The following CECR2 variants were observed in gnomAD, a reference collection of about 807,000 sequenced individuals.
The protein encoded by CECR2 is chromatin remodeling regulator CECR2.
A neutral mutation model predicts 154.5 loss-of-function variants in CECR2; 30 were observed. That is an observed-to-expected ratio of 0.19 (90% CI 0.15 to 0.26). The LOEUF (loss-of-function observed/expected upper bound fraction) is 0.26, where lower values mean the gene tolerates loss of function less well. CECR2 is among the 10% of genes least tolerant of loss of function. The pLI is 1.00. For missense variants in CECR2, 1,743 were observed against 1,829.3 expected (o/e 0.95, Z 0.86); for synonymous variants, 725 against 683.7 (o/e 1.06, Z -0.94).
At chr22:17,521,698 G>A in intron 8 of CECR2, among the ~76,000 whole-genome samples, 1 of 152,072 alleles carries the variant, frequency 6.6e-6, no homozygotes, top group African/African-American at 2.4e-5. Flanking sequence ...CCATTCTGTA[G>A]GTTGCCTGTT....
chr22:17,494,981 C>T (rs533471800), intron 2 of CECR2, among the ~76,000 whole-genome samples: 1 of 152,234 alleles, frequency 6.6e-6, no homozygotes, highest in Admixed American at 6.5e-5. Context: ...GCGTGAGCCA[C>T]CGCGCCCGGC....
At chr22:17,550,928 C>G (rs2146153552) in intron 17 of CECR2, among the ~76,000 whole-genome samples, 1 of 151,844 alleles carries the variant, frequency 6.6e-6, no homozygotes, top group South Asian at 2.1e-4. Context: ...GGCAACAGAG[C>G]AAGACTCTGT....
chr22:17,460,636 T>A (rs2054923464), intron 1 of CECR2, among the ~76,000 whole-genome samples: 1 of 152,162 alleles, frequency 6.6e-6, no homozygotes, highest in Non-Finnish European at 1.5e-5. Flanking sequence ...CCCCTCTCAT[T>A]TTAGTTCAGA....
chr22:17,437,775 A>G (rs964101328), intron 1 of CECR2, among the ~76,000 whole-genome samples: 5 of 152,192 alleles, frequency 3.3e-5, no homozygotes, highest in African/African-American at 1.2e-4. Context: ...CAAGGTGAGC[A>G]TCACTGCTTC....
intron 8 of CECR2, among the ~76,000 whole-genome samples, chr22:17,512,429 C>G (rs1047170594): frequency 6.6e-6 from 1 of 151,916 alleles, no homozygotes; most frequent in Non-Finnish European, 1.5e-5. Flanking sequence ...GAGCCAAGCA[C>G]AGGTAGCTCA....
At chr22:17,363,393 A>G (rs1461914381) in intron 1 of CECR2, among the ~76,000 whole-genome samples, 1 of 151,984 alleles carries the variant, frequency 6.6e-6, no homozygotes, top group Non-Finnish European at 1.5e-5. Context: ...TTTTTAGTAG[A>G]CACGGACATT....
chr22:17,485,478 G>A (rs1035995546), intron 2 of CECR2, among the ~76,000 whole-genome samples: 1 of 152,210 alleles, frequency 6.6e-6, no homozygotes, highest in Non-Finnish European at 1.5e-5. Flanking sequence ...GAAAAGTAGT[G>A]AAGTATTGGC....
At chr22:17,368,426 G>C (rs574579756), upstream of CECR2, among the ~76,000 whole-genome samples, 1 of 152,322 alleles carries the variant, frequency 6.6e-6, no homozygotes, top group South Asian at 2.1e-4. Context: ...CAGGATGCAA[G>C]TGCGACGACC....
intron 7 of CECR2, among the ~76,000 whole-genome samples, 200 bp from the exon 8 acceptor site, chr22:17,511,613 T>G (rs901940519): frequency 7.2e-5 from 11 of 152,158 alleles, no homozygotes; most frequent in African/African-American, 2.4e-4. Flanking sequence ...AGTTTTTGTT[T>G]TTATTTTTTC....
At chr22:17,365,987 A>G (rs2063000213), upstream of CECR2, among the ~76,000 whole-genome samples, 1 of 152,214 alleles carries the variant, frequency 6.6e-6, no homozygotes. Context: ...ATTAATGAAT[A>G]AGCAAAACAG....
At chr22:17,381,674 TG>T (rs1330257862) in intron 1 of CECR2, among the ~76,000 whole-genome samples, 1 of 152,114 alleles carries the variant, frequency 6.6e-6, no homozygotes, top group Non-Finnish European at 1.5e-5. Context: ...GCTGCTGCCC[TG>T]GGGGAATTTG....
intron 12 of CECR2, 66 bp from the exon 13 acceptor site, chr22:17,538,927 C>G (rs557578192): frequency 1.7e-4 from 259 of 1,548,136 alleles, no homozygotes; most frequent in Non-Finnish European, 2.1e-4. Context: ...CTCTCTGTCT[C>G]TCTCTCTCTA....
At chr22:17,392,398 G>A (rs566131294) in intron 1 of CECR2, among the ~76,000 whole-genome samples, 1 of 152,308 alleles carries the variant, frequency 6.6e-6, no homozygotes, top group East Asian at 1.9e-4. Flanking sequence ...TGAGGCAGGA[G>A]AATCGCTTGA....
At chr22:17,431,178 T>C (rs1475704575) in intron 1 of CECR2, among the ~76,000 whole-genome samples, 1 of 152,248 alleles carries the variant, frequency 6.6e-6, no homozygotes, top group Non-Finnish European at 1.5e-5. Context: ...GCCCATTTAA[T>C]CAGGCATTTA....
chr22:17,390,853 T>A (rs1308075880), intron 1 of CECR2, among the ~76,000 whole-genome samples: 1 of 152,206 alleles, frequency 6.6e-6, no homozygotes, highest in Admixed American at 6.5e-5. Context: ...TGAAAATTAA[T>A]CTAAAGGAGA....
At position 17,541,985 on chromosome 22, in the gene CECR2, G is replaced by GAGGTGC. The variant is rs2056531250; in HGVS notation, c.2013+28_2013+33dup. 1.2e-6 allele frequency: 2 copies of GAGGTGC among 1,607,526 alleles called. No individual in the cohort carries two copies. The highest frequency in any genetic ancestry group is 1.1e-5 in the South Asian group (1 of 90,368). On this transcript the variant is annotated intron_variant, in intron 15 of 18. Coordinates refer to ENST00000262608, the MANE Select transcript of CECR2 (RefSeq NM_001290047.2). ...CCATGCAGGTAAGCAGCCTACTCTG[G>GAGGTGC]AGGTGCAGGTGCAGGGGGTCCCACA...
intron 1 of CECR2, among the ~76,000 whole-genome samples, chr22:17,449,676 C>A (rs9605298): frequency 0.3 from 45,320 of 151,216 alleles, 9,714 homozygotes; most frequent in African/African-American, 0.58. Context: ...TTTTTAGTGG[C>A]GACGGGGTTT....
chr22:17,528,523 T>C (rs922420900), intron 9 of CECR2, among the ~76,000 whole-genome samples: 9 of 152,044 alleles, frequency 5.9e-5, no homozygotes, highest in African/African-American at 1.2e-4. Context: ...TATGGCTTTT[T>C]TTTTCTTTTC....
chr22:17,390,332 G>T lies in CECR2; in HGVS notation c.126+20423G>T, dbSNP rs560315011. Among the ~76,000 whole-genome samples the T allele has an allele frequency of 2.0e-5, 3 of 152,310 alleles. No individual in the cohort carries two copies. The South Asian group carries it at 6.2e-4, about 32-fold the overall frequency. On this transcript the variant is annotated intron_variant, in intron 1 of 18. Coordinates refer to ENST00000262608, the MANE Select transcript of CECR2 (RefSeq NM_001290047.2). ...TGCTGAAGAGGGCCGTGCCCTTGGT[G>T]CATAGTATCAGCAGTTACATCACTT...
Sources: allele counts gnomAD v4.1 joint callset (sites outside exome capture counted in the v4.1 genomes callset), GRCh38; gene constraint gnomAD v4.1.1; transcripts MANE v1.5; gene names NCBI Gene and HGNC (gene_info 2026-07-23, HGNC 2026-07-21).